Variants in CPNE4 observed in about 807,000 individuals in gnomAD.
CPNE4 encodes copine-4.
In CPNE4, 25 loss-of-function variants were observed where a neutral mutation model predicts 67.9. The observed-to-expected ratio is 0.37, with a 90% CI of 0.27 to 0.51. The LOEUF (loss-of-function observed/expected upper bound fraction) is 0.51, where lower values mean the gene tolerates loss of function less well. Among genes scored for constraint, CPNE4 ranks in the 20% least tolerant of loss-of-function variants. The pLI is 0.93. For missense variants in CPNE4, 464 were observed against 690.8 expected (o/e 0.67, Z 3.68); for synonymous variants, 242 against 244.9 (o/e 0.99, Z 0.11).
chr3:131,918,752 A>G (rs1425755500), intron 1 of CPNE4, among the ~76,000 whole-genome samples: 1 of 152,188 alleles, frequency 6.6e-6, no homozygotes, highest in African/African-American at 2.4e-5. Flanking sequence ...AGCCATTACT[A>G]TGTTAATTTG....
chr3:131,608,357 G>C (rs544883265), intron 7 of CPNE4, among the ~76,000 whole-genome samples: 1 of 152,156 alleles, frequency 6.6e-6, no homozygotes, highest in Non-Finnish European at 1.5e-5. Context: ...ATAGCAATCT[G>C]ACTGAGCCAG....
intron 1 of CPNE4, among the ~76,000 whole-genome samples, chr3:132,025,168 G>C (rs2074091228): frequency 6.6e-6 from 1 of 152,170 alleles, no homozygotes; most frequent in South Asian, 2.1e-4. Flanking sequence ...TAACATTTTA[G>C]ACTTTCGTAA....
intron 2 of CPNE4, among the ~76,000 whole-genome samples, chr3:131,890,761 G>A (rs1366522771): frequency 6.6e-6 from 1 of 152,060 alleles, no homozygotes; most frequent in African/African-American, 2.4e-5. Context: ...ATATTACCTA[G>A]CATTGAAAAA....
intron 1 of CPNE4, among the ~76,000 whole-genome samples, chr3:132,000,645 TA>T (rs1420740038): frequency 1.3e-5 from 2 of 151,604 alleles, no homozygotes; most frequent in Non-Finnish European, 2.9e-5. Flanking sequence ...AATTCTTGGG[TA>T]AAAAACCCAA....
At chr3:131,976,052 T>A (rs969525804) in intron 1 of CPNE4, among the ~76,000 whole-genome samples, 1 of 149,056 alleles carries the variant, frequency 6.7e-6, no homozygotes, top group Admixed American at 6.7e-5. Flanking sequence ...GGACTTTTTT[T>A]AAAACTTAAT....
At chr3:131,540,624 A>G (rs1175033565) in intron 15 of CPNE4, among the ~76,000 whole-genome samples, 3 of 152,218 alleles carry the variant, frequency 2.0e-5, no homozygotes, top group Non-Finnish European at 4.4e-5. Context: ...GTGAGAGTCC[A>G]GTGTGAACCC....
intron 14 of CPNE4, among the ~76,000 whole-genome samples, chr3:131,549,320 A>G (rs1490907939): frequency 6.6e-6 from 1 of 152,192 alleles, no homozygotes; most frequent in Non-Finnish European, 1.5e-5. Flanking sequence ...GTAATATTCC[A>G]CTAAATCTGG....
intron 2 of CPNE4, among the ~76,000 whole-genome samples, chr3:131,845,000 T>A (rs2085942978): frequency 6.6e-6 from 1 of 152,198 alleles, no homozygotes; most frequent in South Asian, 2.1e-4. Context: ...TTAATAACCA[T>A]TGCTTCCCTC....
intron 2 of CPNE4, among the ~76,000 whole-genome samples, chr3:131,866,176 G>A (rs146898957): frequency 6.6e-6 from 1 of 152,336 alleles, no homozygotes; most frequent in Non-Finnish European, 1.5e-5. Context: ...CCAAAATAAA[G>A]GCTGAACTTA....
At position 131,580,012 on chromosome 3, in the gene CPNE4, G is replaced by T. The variant is rs534725066; in HGVS notation, c.867+1567C>A. On this transcript the variant is annotated intron_variant, in intron 9 of 15. Transcript: ENST00000429747. ...ATCAGACAGCATCACATGCTACAGA[G>T]AAATCTTTCATTAAAGGAGGAGTCA... is the stretch of plus-strand genomic sequence containing the variant. 2.0e-5 allele frequency among the ~76,000 whole-genome samples: 3 copies of T among 152,282 alleles called. No individual in the cohort carries two copies. In the South Asian group the frequency reaches 6.2e-4, roughly 32 times the overall value.
At chr3:131,689,777 C>T (rs57003178) in intron 5 of CPNE4, among the ~76,000 whole-genome samples, 3,006 of 152,266 alleles carry the variant, frequency 0.02, 96 homozygotes, top group African/African-American at 0.068. Context: ...CAAATTGTCT[C>T]TCTTTGCCGT....
At chr3:131,573,094 T>C (rs1262877169) in intron 10 of CPNE4, among the ~76,000 whole-genome samples, 1 of 152,126 alleles carries the variant, frequency 6.6e-6, no homozygotes, top group East Asian at 1.9e-4. Context: ...GACTGGTATG[T>C]TTCCTTTAGT....
intron 1 of CPNE4, among the ~76,000 whole-genome samples, chr3:131,968,850 T>C (rs2072427987): frequency 6.6e-6 from 1 of 152,172 alleles, no homozygotes; most frequent in Non-Finnish European, 1.5e-5. Context: ...AGCAATCCAA[T>C]TACTGGGTAT....
At chr3:131,720,782 C>T (rs1458793079) in intron 3 of CPNE4, among the ~76,000 whole-genome samples, 2 of 152,202 alleles carry the variant, frequency 1.3e-5, no homozygotes, top group Admixed American at 6.5e-5. Flanking sequence ...TCCTGTCTCA[C>T]TTTTCCTCTC....
intron 7 of CPNE4, among the ~76,000 whole-genome samples, chr3:131,624,047 T>C (rs1940610987): frequency 1.3e-5 from 2 of 152,194 alleles, no homozygotes; most frequent in African/African-American, 2.4e-5. Flanking sequence ...CTTCTCACCA[T>C]CCTCCTTAGT....
chr3:131,670,852 C>T (rs2080394285), intron 6 of CPNE4, among the ~76,000 whole-genome samples: 2 of 151,764 alleles, frequency 1.3e-5, no homozygotes, highest in Non-Finnish European at 2.9e-5. Flanking sequence ...GCTTTTGTTG[C>T]CCAGGCTGTA....
intron 12 of CPNE4, among the ~76,000 whole-genome samples, chr3:131,553,670 C>T (rs570046387): frequency 1.8e-4 from 27 of 152,190 alleles, no homozygotes; most frequent in African/African-American, 6.5e-4. Context: ...GTTTCCCTCA[C>T]CTTTTAAATA....
intron 2 of CPNE4, among the ~76,000 whole-genome samples, chr3:131,876,444 C>T (rs557897076): frequency 6.6e-6 from 1 of 151,274 alleles, no homozygotes; most frequent in Non-Finnish European, 1.5e-5. Context: ...AGATCGAGAC[C>T]ATCCTGGCTA....
chr3:131,884,461 G>A (rs1219777961), intron 2 of CPNE4, among the ~76,000 whole-genome samples: 3 of 152,160 alleles, frequency 2.0e-5, no homozygotes, highest in African/African-American at 4.8e-5. Flanking sequence ...CTCTAGGAAG[G>A]GGGCAGAACT....
Sources: gnomAD v4.1 joint callset for allele counts (sites outside exome capture counted in the v4.1 genomes callset) on GRCh38, gnomAD v4.1.1 for gene constraint, MANE v1.5 for transcripts, NCBI Gene and HGNC (gene_info 2026-07-23, HGNC 2026-07-21) for gene names.